The following RADIL variants were observed in gnomAD, a reference collection of about 807,000 sequenced individuals.
The protein encoded by RADIL is ras-associating and dilute domain-containing protein.
In RADIL, 99 loss-of-function variants were observed where a neutral mutation model predicts 97.6. The observed-to-expected ratio is 1.01, with a 90% CI of 0.86 to 1.20. The LOEUF (loss-of-function observed/expected upper bound fraction) is 1.20. Ranked by LOEUF, RADIL falls within the 50% of genes most tolerant of loss-of-function variation. RADIL has a pLI of 0.00. For synonymous variants in RADIL, 803 were observed against 691.8 expected, an observed-to-expected ratio of 1.16 and a Z score of -2.52; for missense variants, 1,765 against 1,498.9, an observed-to-expected ratio of 1.18 and a Z score of -2.93.
chr7:4,876,692 G>A (rs1354792755), intron 2 of RADIL, among the ~76,000 whole-genome samples: 2 of 152,210 alleles, frequency 1.3e-5, no homozygotes, highest in Non-Finnish European at 2.9e-5. Context: ...CCCAGGCCCC[G>A]GGGCTCTCAA....
In RADIL at chr7:4,873,696, C is replaced by T. The variant is rs564144633; in HGVS notation, c.535+3909G>A. 6.6e-6 allele frequency among the ~76,000 whole-genome samples: 1 copy of T among 152,372 alleles called. No individual in the cohort carries two copies. The highest frequency in any genetic ancestry group is 1.9e-4 in the East Asian group (1 of 5,186). ...GCGACACGGTGACACATGCCCCACA[C>T]TGAGGGCCACTCTCAGGACAAACAG... On this transcript the variant is annotated intron_variant, in intron 2 of 14. Transcript: ENST00000399583. The surrounding 1 kb of genome is among the most constrained non-coding windows in gnomAD (Gnocchi z 4.3).
At chr7:4,855,718 T>C (rs1342967754) in intron 2 of RADIL, among the ~76,000 whole-genome samples, 1 of 152,006 alleles carries the variant, frequency 6.6e-6, no homozygotes, top group Non-Finnish European at 1.5e-5. Context: ...TCATGTTTAT[T>C]GGCCGTTCCT....
Position 4,835,234 on chromosome 7 carries a change from G to A in RADIL, c.789C>T (p.Ser263=), listed in dbSNP as rs759253992. 5 of 1,609,148 alleles carry A rather than the reference G, an allele frequency of 3.1e-6. No homozygotes were observed. The highest frequency in any genetic ancestry group is 2.7e-5 in the African/African-American group (2 of 74,904). ...LLQGYSQQHD[S]LVYVLNRDRH... Reference sequence around the variant, plus strand: ...GGTCCCGGTTGAGCACATACACCAGGCTGTCCTGAAACAGAGACTCCGCTC... The same window carrying A: ...GGTCCCGGTTGAGCACATACACCAGACTGTCCTGAAACAGAGACTCCGCTC... The change falls in exon 4 of 15, where the codon AGC becomes AGT. Residue 263 remains serine (S), a synonymous_variant. Coordinates refer to ENST00000399583, the MANE Select transcript of RADIL (RefSeq NM_018059.5). The surrounding 1 kb of genome is among the most constrained non-coding windows in gnomAD (Gnocchi z 5.8).
rs997344834 is a variant in RADIL at position 4,839,974 on chromosome 7, C to T, written c.536-3369G>A. On this transcript the variant is annotated intron_variant, in intron 2 of 14. Coordinates refer to ENST00000399583, the MANE Select transcript of RADIL (RefSeq NM_018059.5). ...GTCTTGGACAGGCTGGTCTCGAACT[C>T]CTGACCTCAAGTGATCCGCCCACCT... Among the ~76,000 whole-genome samples the T allele has an allele frequency of 2.6e-5, 4 of 152,292 alleles. 1 individual carries two copies. The South Asian group carries it at 8.3e-4, about 32-fold the overall frequency.
chr7:4,831,007 C>T (rs1255547770), intron 5 of RADIL, among the ~76,000 whole-genome samples: 6 of 145,452 alleles, frequency 4.1e-5, no homozygotes, highest in South Asian at 4.3e-4. Context: ...GGCGACAGAG[C>T]GAGATGCCGT....
At chr7:4,800,539 C>G (rs999364660) in intron 12 of RADIL, among the ~76,000 whole-genome samples, 1 of 152,146 alleles carries the variant, frequency 6.6e-6, no homozygotes, top group Non-Finnish European at 1.5e-5. Context: ...TCAGTCCCCG[C>G]CCCTGGCAGT....
In RADIL at chr7:4,813,664, A is replaced by G. The variant is rs1782603896; in HGVS notation, c.2139+1614T>C. Among the ~76,000 whole-genome samples the G allele has an allele frequency of 6.6e-6, 1 of 152,230 alleles. No individual in the cohort carries two copies. The highest frequency in any genetic ancestry group is 1.5e-5 in the Non-Finnish European group (1 of 68,036). ...CCCAGGGAAAAGCAACAGGAACTTCAGTCAGCTCTTTGTGGAGGCTCACTC... is the reference window on the plus strand; with the variant it reads ...CCCAGGGAAAAGCAACAGGAACTTCGGTCAGCTCTTTGTGGAGGCTCACTC... On this transcript the variant is annotated intron_variant, in intron 9 of 14. Coordinates refer to ENST00000399583, the MANE Select transcript of RADIL (RefSeq NM_018059.5). The surrounding 1 kb of genome is among the most constrained non-coding windows in gnomAD (Gnocchi z 5.0).
chr7:4,844,126 A>G (rs904190296), intron 2 of RADIL, among the ~76,000 whole-genome samples: 6 of 152,022 alleles, frequency 3.9e-5, no homozygotes, highest in Non-Finnish European at 8.8e-5. Context: ...ACAGGCAGGG[A>G]AAAATAGGGG....
chr7:4,843,168 C>A (rs1204241881), intron 2 of RADIL, among the ~76,000 whole-genome samples: 2 of 151,590 alleles, frequency 1.3e-5, no homozygotes, highest in Non-Finnish European at 2.9e-5. Context: ...TACCCCCGAC[C>A]CCCGCCAGCT....
chr7:4,850,550 G>A (rs1292110968), intron 2 of RADIL, among the ~76,000 whole-genome samples: 1 of 152,230 alleles, frequency 6.6e-6, no homozygotes, highest in Non-Finnish European at 1.5e-5. Context: ...AGTCAGAGAG[G>A]TTTGAGGTGT....
At chr7:4,855,625 A>T (rs1783809438) in intron 2 of RADIL, among the ~76,000 whole-genome samples, 2 of 96,068 alleles carry the variant, frequency 2.1e-5, no homozygotes, top group South Asian at 5.9e-4. Context: ...TTTTGTAAAA[A>T]AAAAAAAAAA....
rs1266627948 is a variant in RADIL, at chr7:4,867,817, C to T, written c.535+9788G>A. Among the ~76,000 whole-genome samples the T allele has an allele frequency of 1.3e-5, 2 of 151,972 alleles. No homozygotes were observed. The highest frequency in any genetic ancestry group is 1.3e-4 in the Admixed American group (2 of 15,252). On this transcript the variant is annotated intron_variant, in intron 2 of 14. Coordinates refer to ENST00000399583, the MANE Select transcript of RADIL (RefSeq NM_018059.5). This position sits in a 1 kb window ranked among gnomAD's most constrained non-coding sequence, Gnocchi z 4.1. ...TTCATTAATACACTAGAGTGGGTTCCCAAGGACAATGACAATGAAAAAAGA... is the reference window on the plus strand; with the variant it reads ...TTCATTAATACACTAGAGTGGGTTCTCAAGGACAATGACAATGAAAAAAGA...
intron 9 of RADIL, chr7:4,806,167 T>A: frequency 1.4e-6 from 1 of 717,446 alleles, no homozygotes; most frequent in Non-Finnish European, 1.7e-6. Context: ...GCTTGTTTTT[T>A]GAGACAGAGT....
chr7:4,859,187 T>TG (rs1410919760), intron 2 of RADIL: 1 of 152,562 alleles, frequency 6.6e-6, no homozygotes, highest in Non-Finnish European at 1.5e-5. Flanking sequence ...CGCTGCACAA[T>TG]GGTATCCAAT....
chr7:4,874,520 C>G (rs1345267553), intron 2 of RADIL, among the ~76,000 whole-genome samples: 3 of 152,186 alleles, frequency 2.0e-5, no homozygotes, highest in Admixed American at 6.5e-5. Context: ...GGCTGAGGGT[C>G]ACAGGAGTCC....
rs1454656992 is a variant in RADIL, at chr7:4,805,801, G to T, written c.2140-85C>A. ...AGGGATGGCCTCCACAGGTGGCCTG[G>T]GGGTAGCCAGCTGAGGGGCCCTGTG... On this transcript the variant is annotated intron_variant, in intron 9 of 14. Coordinates refer to ENST00000399583, the MANE Select transcript of RADIL (RefSeq NM_018059.5). 8.6e-6 allele frequency: 13 copies of T among 1,509,654 alleles called. No individual in the cohort carries two copies. In the East Asian group the frequency reaches 2.8e-4, roughly 32 times the overall value. The allele number at this position is 1,509,654 out of a possible 1,614,324, so 93.5% of individuals were successfully genotyped here.
chr7:4,865,720 G>A (rs866523526), intron 2 of RADIL: 41 of 1,063,082 alleles, frequency 3.9e-5, no homozygotes, highest in Middle Eastern at 2.9e-4. Context: ...ATCTTCTACG[G>A]GGTGGGTGCA....
At chr7:4,860,662 T>G (rs1783964234) in intron 2 of RADIL, 1 of 1,614,102 alleles carries the variant, frequency 6.2e-7, no homozygotes, top group African/African-American at 1.3e-5. Context: ...GTTTTTCTGT[T>G]GATGCACTTG....
rs1303294607 is a variant in RADIL at position 4,837,489 on chromosome 7, C to T, written c.536-884G>A. Among the ~76,000 whole-genome samples the T allele has an allele frequency of 1.3e-5, 2 of 152,228 alleles. No homozygotes were observed. Among genetic ancestry groups the T allele is most frequent in the Non-Finnish European group, 2.9e-5 (2 of 68,040 alleles). The stretch of plus-strand genomic sequence containing the variant: ...CGATGGCCTGCTCCTGCAACAGCAT[C>T]GCTGCCTCCTTCCCAAGGCTGTCTC... On this transcript the variant is annotated intron_variant, in intron 2 of 14. Coordinates refer to ENST00000399583, the MANE Select transcript of RADIL (RefSeq NM_018059.5). The surrounding 1 kb of genome is among the most constrained non-coding windows in gnomAD (Gnocchi z 5.6).
Sources: allele counts gnomAD v4.1 joint callset (sites outside exome capture counted in the v4.1 genomes callset), GRCh38; gene constraint gnomAD v4.1.1; non-coding constraint Gnocchi (gnomAD v3.1); transcripts MANE v1.5; gene names NCBI Gene and HGNC (gene_info 2026-07-23, HGNC 2026-07-21).